Variants in ZNF536 observed in about 807,000 individuals in gnomAD.
ZNF536 encodes the protein zinc finger protein 536.
A neutral mutation model predicts 84.5 loss-of-function variants in ZNF536; 13 were observed. The ratio of observed to expected loss-of-function variants is 0.15; its 90% CI spans 0.10 to 0.24. ZNF536 has a LOEUF of 0.24. ZNF536 is among the 10% of genes least tolerant of loss of function. The pLI is 1.00. For missense variants in ZNF536, 1,536 were observed against 1,747.5 expected (o/e 0.88, Z 2.16); for synonymous variants, 811 against 742.5 (o/e 1.09, Z -1.50).
At chr19:30,541,485 G>T (rs73539109) in intron 3 of ZNF536, among the ~76,000 whole-genome samples, 8,176 of 151,738 alleles carry the variant, frequency 0.054, 357 homozygotes, top group South Asian at 0.12. Context: ...ATATCTGAGA[G>T]GAACTAAAAG....
chr19:30,274,169 G>T (rs192131284), intron 1 of ZNF536, among the ~76,000 whole-genome samples: 44 of 152,264 alleles, frequency 2.9e-4, no homozygotes, highest in Middle Eastern at 3.4e-3. Context: ...GAGATCAGGG[G>T]GACCAACGTT....
intron 1 of ZNF536, among the ~76,000 whole-genome samples, chr19:30,585,644 C>T (rs2047069998): frequency 6.6e-6 from 1 of 152,152 alleles, no homozygotes; most frequent in African/African-American, 2.4e-5. Flanking sequence ...CTAGAATCAA[C>T]AGCCAGCCCC....
At chr19:30,269,031 C>T (rs956195574) in intron 1 of ZNF536, among the ~76,000 whole-genome samples, 2 of 152,246 alleles carry the variant, frequency 1.3e-5, no homozygotes, top group Admixed American at 1.3e-4. Flanking sequence ...AAGTCCCGCT[C>T]AGGTTACATA....
intron 2 of ZNF536, among the ~76,000 whole-genome samples, chr19:30,506,205 A>G (rs140656465): frequency 1.7e-3 from 263 of 152,264 alleles, no homozygotes; most frequent in African/African-American, 6.2e-3. Context: ...TCATAAGCAG[A>G]CAGGAAACCT....
chr19:30,465,618 T>C (rs971783702), intron 2 of ZNF536, among the ~76,000 whole-genome samples: 2 of 152,146 alleles, frequency 1.3e-5, no homozygotes, highest in Admixed American at 1.3e-4. Flanking sequence ...AGGTTGGGTG[T>C]GGTGGCTTAG....
chr19:30,325,922 C>A (rs1223281724), intron 2 of ZNF536, among the ~76,000 whole-genome samples: 1 of 152,176 alleles, frequency 6.6e-6, no homozygotes, highest in Non-Finnish European at 1.5e-5. Flanking sequence ...GGGGCTGCCT[C>A]TCTACTGTGG....
intron 2 of ZNF536, among the ~76,000 whole-genome samples, chr19:30,333,235 C>T (rs1048237928): frequency 7.2e-5 from 11 of 152,276 alleles, no homozygotes; most frequent in Admixed American, 3.3e-4. Flanking sequence ...AGTTCCATGA[C>T]CATGAGGCCC....
chr19:30,379,788 G>A (rs10405958), intron 1 of ZNF536, among the ~76,000 whole-genome samples: 13,244 of 152,024 alleles, frequency 0.087, 1,921 homozygotes, highest in African/African-American at 0.3. Context: ...TGCTGATGCA[G>A]CTTTGCAAAG....
At chr19:30,424,359 C>G (rs2051119763) in intron 1 of ZNF536, among the ~76,000 whole-genome samples, 1 of 152,192 alleles carries the variant, frequency 6.6e-6, no homozygotes, top group South Asian at 2.1e-4. Flanking sequence ...CTCTCCAGGG[C>G]AGGGCTGACC....
At chr19:30,480,994 A>T (rs1256986573) in intron 2 of ZNF536, among the ~76,000 whole-genome samples, 1 of 145,808 alleles carries the variant, frequency 6.9e-6, no homozygotes, top group Non-Finnish European at 1.5e-5. Flanking sequence ...ATGTCACTGG[A>T]CTCCAGCCTG....
rs111346343 is a variant in ZNF536, at chr19:30,337,044, TG to T, written c.-119-15323del. On this transcript the variant is annotated intron_variant, in intron 2 of 5. Coordinates refer to the ZNF536 transcript ENST00000585628. The stretch of plus-strand genomic sequence containing the variant: ...GTCTCCTGCAACATGGGCTATCTCT[TG>T]CAGGTCTTGTTCTTGGGAGGCCTGT... Among the ~76,000 whole-genome samples the T allele has an allele frequency of 2.4e-3, 372 of 152,046 alleles. 2 individuals carry two copies. Among genetic ancestry groups the T allele is most frequent in the African/African-American group, 8.5e-3 (353 of 41,472 alleles).
intron 2 of ZNF536, among the ~76,000 whole-genome samples, chr19:30,485,240 G>A (rs1399995337): frequency 6.6e-6 from 1 of 152,014 alleles, no homozygotes; most frequent in African/African-American, 2.4e-5. Flanking sequence ...ACCCCTGCAC[G>A]TTTCCTTCTT....
chr19:30,275,820 T>G (rs898344768), intron 1 of ZNF536, among the ~76,000 whole-genome samples: 3 of 142,608 alleles, frequency 2.1e-5, no homozygotes, highest in Non-Finnish European at 1.5e-5. Context: ...AACAAAGCCC[T>G]CAGAAGGTGT....
At chr19:30,359,740 C>T (rs1163064942) in intron 3 of ZNF536, among the ~76,000 whole-genome samples, 2 of 152,164 alleles carry the variant, frequency 1.3e-5, no homozygotes, top group Non-Finnish European at 2.9e-5. Context: ...ACACTTCTGC[C>T]TCCTCTGAGT....
At chr19:30,361,539 G>C (rs2048274871) in intron 3 of ZNF536, among the ~76,000 whole-genome samples, 1 of 152,060 alleles carries the variant, frequency 6.6e-6, no homozygotes, top group African/African-American at 2.4e-5. Flanking sequence ...AGGGCATCCG[G>C]GGAGAGGCCT....
intron 2 of ZNF536, among the ~76,000 whole-genome samples, chr19:30,509,962 G>T (rs539378754): frequency 1.3e-5 from 2 of 152,232 alleles, no homozygotes; most frequent in Admixed American, 1.3e-4. Flanking sequence ...TTATCAAGAT[G>T]AGTGGGCCTC....
intron 1 of ZNF536, among the ~76,000 whole-genome samples, chr19:30,614,984 T>C (rs2048236570): frequency 9.4e-6 from 1 of 105,934 alleles, no homozygotes; most frequent in Non-Finnish European, 2.0e-5. Flanking sequence ...TTTCGCTCTG[T>C]CGCCCAGGCT....
intron 1 of ZNF536, among the ~76,000 whole-genome samples, chr19:30,594,214 G>A (rs1382184587): frequency 6.6e-6 from 1 of 152,216 alleles, no homozygotes; most frequent in East Asian, 1.9e-4. Flanking sequence ...CTGTCACCAT[G>A]CCCAGGAACA....
intron 1 of ZNF536, among the ~76,000 whole-genome samples, chr19:30,654,283 T>C (rs937226508): frequency 3.3e-5 from 5 of 152,118 alleles, no homozygotes; most frequent in Non-Finnish European, 7.4e-5. Context: ...AATCACCCAG[T>C]TCCTAGGTGG....
Sources: gnomAD v4.1 joint callset for allele counts (sites outside exome capture counted in the v4.1 genomes callset) on GRCh38, gnomAD v4.1.1 for gene constraint, MANE v1.5 for transcripts, NCBI Gene and HGNC (gene_info 2026-07-23, HGNC 2026-07-21) for gene names.